The following RAMP1 variants were observed in gnomAD, a reference collection of about 807,000 sequenced individuals.
The protein encoded by RAMP1 is receptor activity modifying protein 1.
In RAMP1, 7 loss-of-function variants were observed where a neutral mutation model predicts 8.2. That is an observed-to-expected ratio of 0.85 (90% CI 0.49 to 1.60). The LOEUF is 1.60. RAMP1 is among the 40% of genes most tolerant of loss of function. RAMP1 has a pLI of 0.00. For synonymous variants in RAMP1, 92 were observed against 84.7 expected (o/e 1.09, Z -0.47); for missense variants, 192 against 202.4 (o/e 0.95, Z 0.31).
chr2:237,902,493 G>A (rs1324538493), intron 2 of RAMP1, among the ~76,000 whole-genome samples: 3 of 152,060 alleles, frequency 2.0e-5, no homozygotes, highest in South Asian at 2.1e-4. Flanking sequence ...ACAGCGAGGA[G>A]GAAAGTGGGG....
rs976702110 is a variant in RAMP1, at chr2:237,910,594, AACACAGTC to A, written c.192-920_192-913del. Among the ~76,000 whole-genome samples, 11 of 147,508 alleles carry A rather than the reference AACACAGTC, an allele frequency of 7.5e-5. No homozygotes were observed. The East Asian group carries it at 7.8e-4, about 10-fold the overall frequency. ...TAACAGTTACACAGTCACACAGAAT[AACACAGTC>A]ACACAGTCACACACAGAATAACAGT... On this transcript the variant is annotated intron_variant, in intron 2 of 2. Transcript: ENST00000254661.
chr2:237,864,644 T>G (rs2062168500), intron 1 of RAMP1, among the ~76,000 whole-genome samples: 1 of 152,032 alleles, frequency 6.6e-6, no homozygotes, highest in Admixed American at 6.6e-5. Flanking sequence ...AGGACAGGGG[T>G]GCAGAGCAGC....
intron 2 of RAMP1, among the ~76,000 whole-genome samples, chr2:237,901,321 G>C (rs186648402): frequency 1.3e-5 from 2 of 152,338 alleles, no homozygotes; most frequent in East Asian, 3.9e-4. Context: ...CTGCAGTCTG[G>C]TTGTTGAGAC....
At chr2:237,889,583 T>C (rs530942454) in intron 2 of RAMP1, among the ~76,000 whole-genome samples, 8 of 152,348 alleles carry the variant, frequency 5.3e-5, no homozygotes, top group African/African-American at 1.7e-4. Context: ...TTAGAAGGCC[T>C]CTCCTACCAT....
intron 2 of RAMP1, among the ~76,000 whole-genome samples, chr2:237,888,644 C>CT (rs2062459418): frequency 6.6e-6 from 1 of 152,082 alleles, no homozygotes; most frequent in Non-Finnish European, 1.5e-5. Context: ...AGTCATTGCC[C>CT]TTTTTTCCTT....
At chr2:237,903,429 T>C (rs934982755) in intron 2 of RAMP1, among the ~76,000 whole-genome samples, 3 of 152,242 alleles carry the variant, frequency 2.0e-5, no homozygotes, top group Admixed American at 6.5e-5. Flanking sequence ...ATTGCCAAAT[T>C]GTGTTTCAGA....
intron 2 of RAMP1, among the ~76,000 whole-genome samples, chr2:237,890,350 C>G (rs977452046): frequency 6.6e-6 from 1 of 151,964 alleles, no homozygotes; most frequent in Non-Finnish European, 1.5e-5. Flanking sequence ...TACAGGCACT[C>G]ACCACCACGC....
intron 2 of RAMP1, among the ~76,000 whole-genome samples, chr2:237,882,981 C>A (rs1303375661): frequency 2.6e-5 from 4 of 152,170 alleles, no homozygotes; most frequent in African/African-American, 9.7e-5. Flanking sequence ...GTGAGCCAGG[C>A]AGGTGACCTG....
At chr2:237,894,721 A>G (rs1366746188) in intron 2 of RAMP1, among the ~76,000 whole-genome samples, 1 of 152,232 alleles carries the variant, frequency 6.6e-6, no homozygotes, top group Non-Finnish European at 1.5e-5. Context: ...TCCAAGGCCC[A>G]GGCTGTCCAG....
At chr2:237,874,646 C>T (rs920634751) in intron 1 of RAMP1, 55 of 984,540 alleles carry the variant, frequency 5.6e-5, no homozygotes, top group Non-Finnish European at 6.3e-5. Flanking sequence ...CCACTCCAGG[C>T]AGGATAGCCT....
chr2:237,905,749 G>A (rs1559955107), intron 2 of RAMP1, among the ~76,000 whole-genome samples: 1 of 152,094 alleles, frequency 6.6e-6, no homozygotes, highest in Non-Finnish European at 1.5e-5. Context: ...AGTGGCTCAC[G>A]CCTGTAATCC....
intron 1 of RAMP1, among the ~76,000 whole-genome samples, chr2:237,863,882 G>A (rs184290951): frequency 2.0e-4 from 30 of 151,820 alleles, no homozygotes; most frequent in Middle Eastern, 3.4e-3. Context: ...CCCAGGCCCC[G>A]GCTGTCCACT....
intron 2 of RAMP1, among the ~76,000 whole-genome samples, chr2:237,901,186 C>A (rs1048315380): frequency 6.6e-6 from 1 of 152,244 alleles, no homozygotes; most frequent in Non-Finnish European, 1.5e-5. Context: ...CTTCTGTCTG[C>A]GTCTCCTGGG....
intron 2 of RAMP1, among the ~76,000 whole-genome samples, chr2:237,903,125 C>CT (rs1162141027): frequency 6.6e-6 from 1 of 152,024 alleles, no homozygotes; most frequent in African/African-American, 2.4e-5. Context: ...TCCCAAAGTG[C>CT]TAGGATCACA....
intron 2 of RAMP1, among the ~76,000 whole-genome samples, chr2:237,880,736 A>G (rs1195118821): frequency 1.3e-5 from 2 of 152,194 alleles, no homozygotes; most frequent in African/African-American, 2.4e-5. Flanking sequence ...CGTGCTGGTA[A>G]GGCCTTACCA....
intron 2 of RAMP1, among the ~76,000 whole-genome samples, chr2:237,891,064 C>T (rs2062482571): frequency 6.6e-6 from 1 of 152,036 alleles, no homozygotes; most frequent in Non-Finnish European, 1.5e-5. Context: ...ATAATAAAGA[C>T]ATTTAAGGCT....
intron 2 of RAMP1, among the ~76,000 whole-genome samples, chr2:237,909,344 A>G (rs1012733460): frequency 6.7e-6 from 1 of 150,064 alleles, no homozygotes; most frequent in Non-Finnish European, 1.5e-5. Context: ...GCGAGCTCAC[A>G]CACAGGCCTT....
chr2:237,882,522 G>A (rs1034949410), intron 2 of RAMP1, among the ~76,000 whole-genome samples: 4 of 152,292 alleles, frequency 2.6e-5, no homozygotes, highest in African/African-American at 7.2e-5. Flanking sequence ...CCTGGTTCCC[G>A]GCGGAGGTGG....
chr2:237,888,303 C>T (rs1488819468), intron 2 of RAMP1, among the ~76,000 whole-genome samples: 2 of 152,138 alleles, frequency 1.3e-5, no homozygotes, highest in Non-Finnish European at 2.9e-5. Context: ...GATCCACCTC[C>T]GCCTCTCAAA....
Sources: gnomAD v4.1 joint callset for allele counts (sites outside exome capture counted in the v4.1 genomes callset) on GRCh38, gnomAD v4.1.1 for gene constraint, MANE v1.5 for transcripts, NCBI Gene and HGNC (gene_info 2026-07-23, HGNC 2026-07-21) for gene names.